Variants in EME2 observed in about 807,000 individuals in gnomAD.
The protein encoded by EME2 is essential meiotic structure-specific endonuclease subunit 2.
In EME2, 58 loss-of-function variants were observed where a neutral mutation model predicts 41.9. The ratio of observed to expected loss-of-function variants is 1.38; its 90% CI spans 1.12 to 1.72. The LOEUF (loss-of-function observed/expected upper bound fraction) is 1.72, where lower values mean the gene tolerates loss of function less well. Among genes scored for constraint, EME2 ranks in the 40% most tolerant of loss-of-function variants. EME2 has a pLI of 0.00. For missense variants in EME2, 695 were observed against 541.9 expected, an observed-to-expected ratio of 1.28 and a Z score of -2.81; for synonymous variants, 334 against 239.3, an observed-to-expected ratio of 1.40 and a Z score of -3.65.
rs759279647 is a variant in EME2 at position 1,774,331 on chromosome 16, G to C, written c.456G>C (p.Gln152His). ...TGCTGGAGCCCGAGGAGTTTCTGCA[G>C]GGCGTCGCCACACTGACCCAGGTGC... is the stretch of plus-strand genomic sequence containing the variant. ...LLLLEPEEFL[Q>H]GVATLTQISG... Residue 152 changes from glutamine (Q) to histidine (H), a missense_variant, in exon 3 of 8, where the codon CAG becomes CAC. Coordinates refer to ENST00000568449, the MANE Select transcript of EME2 (RefSeq NM_001257370.2). 3.7e-6 allele frequency: 6 copies of C among 1,612,658 alleles called. No homozygotes were observed. The African/African-American group carries it at 6.7e-5, about 18-fold the overall frequency.
intron 5 of EME2, 40 bp downstream of exon 5, chr16:1,775,448 G>T: frequency 6.2e-7 from 1 of 1,605,742 alleles, no homozygotes; most frequent in Non-Finnish European, 8.5e-7. Context: ...GGTGGCCTGG[G>T]TCCCAGTGAT....
Position 1,778,052 on chromosome 16 carries a change from G to C in EME2, c.*1814G>C. ...CCGACGTCCCGATGCCCACCATCTA[G>C]GAACAGGGGCCAGGCAGAGGGCGCG... On this transcript the variant is annotated 3_prime_UTR_variant, in exon 8 of 8. Coordinates refer to ENST00000568449, the MANE Select transcript of EME2 (RefSeq NM_001257370.2). The C allele has an allele frequency of 6.2e-7, 1 of 1,613,214 alleles. No individual in the cohort carries two copies. Among genetic ancestry groups the C allele is most frequent in the Non-Finnish European group, 8.5e-7 (1 of 1,180,006 alleles).
In EME2 at chr16:1,781,152, C is replaced by G. The variant is rs769578694; in HGVS notation, c.*4914C>G. The G allele has an allele frequency of 2.0e-6, 3 of 1,524,486 alleles. No individual in the cohort carries two copies. The South Asian group carries it at 3.6e-5, about 18-fold the overall frequency. The allele number at this position is 1,524,486 out of a possible 1,614,324, so 94.4% of individuals were successfully genotyped here. A position where few individuals can be genotyped will look rare whatever the true frequency, so the allele number is the denominator to read the frequency against. On this transcript the variant is annotated 3_prime_UTR_variant, in exon 8 of 8. Coordinates refer to ENST00000568449, the MANE Select transcript of EME2 (RefSeq NM_001257370.2). ...AGTGTGTTCTGAGGTCCTGTCACCC[C>G]TGAGGCTGTGTGTGTCCTTTGCCAA...
chr16:1,777,021 A>G lies in EME2; in HGVS notation c.*783A>G, dbSNP rs2042723706. On this transcript the variant is annotated 3_prime_UTR_variant, in exon 8 of 8. Transcript: ENST00000568449. ...AACTCCGCCCTGGAGTGTGGCTGGA[A>G]GGAAGGGACAGAGAAAGAAGGGACA... 6.6e-7 allele frequency: 1 copy of G among 1,505,254 alleles called. No individual in the cohort carries two copies. Among genetic ancestry groups the G allele is most frequent in the Admixed American group, 1.9e-5 (1 of 52,878 alleles). The allele number at this position is 1,505,254 out of a possible 1,614,324, so 93.2% of individuals were successfully genotyped here.
At chr16:1,773,631 C>A (rs999981929) in intron 1 of EME2, 74 bp from the exon 2 acceptor site, 1 of 1,543,500 alleles carries the variant, frequency 6.5e-7, no homozygotes. Flanking sequence ...CTCCCCGGTC[C>A]GGCCACCCGC....
At position 1,773,476 on chromosome 16, in the gene EME2, T is replaced by A. The variant is rs1233192451; in HGVS notation, c.247+2T>A. The A allele has an allele frequency of 1.9e-6, 3 of 1,579,044 alleles. No individual in the cohort carries two copies. The South Asian group carries it at 3.4e-5, about 18-fold the overall frequency. ...GCCTCGCGGTGTGCGTGGACACAGG[T>A]GCGGCGGAGGGCACGGGCGATACTC... On this transcript the variant is annotated splice_donor_variant, in intron 1 of 7. Transcript: ENST00000568449. LOFTEE classifies it high-confidence loss of function.
chr16:1,778,248 G>A lies in EME2; in HGVS notation c.*2010G>A, dbSNP rs1483170622. On this transcript the variant is annotated 3_prime_UTR_variant, in exon 8 of 8. Transcript: ENST00000568449. ...TGCCGCAGCTGTACTCCATGTGGAA[G>A]CTGACCTTACGGTTGTCACAGCTCA... 3 of 1,612,888 alleles carry A rather than the reference G, an allele frequency of 1.9e-6. No individual in the cohort carries two copies. Among genetic ancestry groups the A allele is most frequent in the African/African-American group, 1.3e-5 (1 of 74,940 alleles).
rs1165516610 is a variant in EME2 at position 1,777,041 on chromosome 16, G to A, written c.*803G>A. The stretch of plus-strand genomic sequence containing the variant: ...CTGGAAGGAAGGGACAGAGAAAGAA[G>A]GGACAGAGGAAAGGGGCTGTCCCAG... On this transcript the variant is annotated 3_prime_UTR_variant, in exon 8 of 8. Coordinates refer to ENST00000568449, the MANE Select transcript of EME2 (RefSeq NM_001257370.2). 3.9e-6 allele frequency: 6 copies of A among 1,557,144 alleles called. No individual in the cohort carries two copies. The highest frequency in any genetic ancestry group is 2.4e-5 in the South Asian group (2 of 84,638).
Position 1,778,577 on chromosome 16 carries a change from C to G in EME2, c.*2339C>G, listed in dbSNP as rs762523870. 3.8e-6 allele frequency: 6 copies of G among 1,591,044 alleles called. No individual in the cohort carries two copies. The highest frequency in any genetic ancestry group is 5.1e-6 in the Non-Finnish European group (6 of 1,165,292). ...CCGCACTGGGGATGGATGGCGGCAG[C>G]GTGGAGTACTCGGGGTCGGAGTCCG... On this transcript the variant is annotated 3_prime_UTR_variant, in exon 8 of 8. Coordinates refer to ENST00000568449, the MANE Select transcript of EME2 (RefSeq NM_001257370.2).
In EME2 at chr16:1,773,847, T is replaced by C; in HGVS notation, c.384+6T>C. 1 of 1,534,644 alleles carries C rather than the reference T, an allele frequency of 6.5e-7. No homozygotes were observed. Among genetic ancestry groups the C allele is most frequent in the Non-Finnish European group, 8.7e-7 (1 of 1,145,984 alleles). ...CCGACCCCTGCCCCCGCAGCGTGAG[T>C]GGTCGCGGGTTCCCGAGGGCCAGCC... On this transcript the variant is annotated splice_donor_region_variant and intron_variant, in intron 2 of 7. Coordinates refer to ENST00000568449, the MANE Select transcript of EME2 (RefSeq NM_001257370.2).
In EME2 at chr16:1,776,525, A is replaced by C; in HGVS notation, c.*287A>C. 1 of 413,090 alleles carries C rather than the reference A, an allele frequency of 2.4e-6. No homozygotes were observed. The allele number at this position is 413,090 out of a possible 1,614,324, so 25.6% of individuals were successfully genotyped here. On this transcript the variant is annotated 3_prime_UTR_variant, in exon 8 of 8. Transcript: ENST00000568449. Reference sequence around the variant, plus strand: ...AGGGCTGTGCCCCCCCAACACACACACACACTCGGCAGGGACCAGAAGGCA... The same window carrying C: ...AGGGCTGTGCCCCCCCAACACACACCCACACTCGGCAGGGACCAGAAGGCA...
In EME2 at chr16:1,781,386, G is replaced by T; in HGVS notation, c.*5148G>T. 1 of 1,612,846 alleles carries T rather than the reference G, an allele frequency of 6.2e-7. No homozygotes were observed. Among genetic ancestry groups the T allele is most frequent in the Non-Finnish European group, 8.5e-7 (1 of 1,179,998 alleles). ...CCCATCAGAGTCGTAGCCCCAGTTAGTGGAGCCTGCTAGAGCCACGGCCCG... is the reference window on the plus strand; with the variant it reads ...CCCATCAGAGTCGTAGCCCCAGTTATTGGAGCCTGCTAGAGCCACGGCCCG... On this transcript the variant is annotated 3_prime_UTR_variant, in exon 8 of 8. Transcript: ENST00000568449.
rs1054799156 is a variant in EME2, at chr16:1,776,508, G to GC, written c.*277dup. ...GGGGAGGCCTCAGCAGCAGGGCTGT[G>GC]CCCCCCCAACACACACACACACTCG... On this transcript the variant is annotated 3_prime_UTR_variant, in exon 8 of 8. Coordinates refer to ENST00000568449, the MANE Select transcript of EME2 (RefSeq NM_001257370.2). 1.4e-4 allele frequency: 63 copies of GC among 455,328 alleles called. No homozygotes were observed. The highest frequency in any genetic ancestry group is 3.8e-4 in the African/African-American group (19 of 49,854). 28.2% of individuals were successfully genotyped at this position (455,328 alleles called of 1,614,324 possible).
Position 1,773,484 on chromosome 16 carries a change from AG to A in EME2, c.247+13del. 1 of 1,578,482 alleles carries A rather than the reference AG, an allele frequency of 6.3e-7. No homozygotes were observed. The highest frequency in any genetic ancestry group is 8.5e-7 in the Non-Finnish European group (1 of 1,171,632). On this transcript the variant is annotated intron_variant, in intron 1 of 7. Transcript: ENST00000568449. ...GTGTGCGTGGACACAGGTGCGGCGG[AG>A]GGCACGGGCGATACTCGGGGTAGGA...
In EME2 at chr16:1,777,907, C is replaced by A; in HGVS notation, c.*1669C>A. On this transcript the variant is annotated 3_prime_UTR_variant, in exon 8 of 8. Transcript: ENST00000568449. Reference sequence around the variant, plus strand: ...GCCAGGGTCGCAGTGAGCCCGGGAGCTCCAGGCTCGGCCCCGCCCCACCCT... The same window carrying A: ...GCCAGGGTCGCAGTGAGCCCGGGAGATCCAGGCTCGGCCCCGCCCCACCCT... The A allele has an allele frequency of 6.2e-7, 1 of 1,611,850 alleles. No homozygotes were observed. The highest frequency in any genetic ancestry group is 8.5e-7 in the Non-Finnish European group (1 of 1,179,594).
At chr16:1,773,979 G>A (rs2042671553) in intron 2 of EME2, 138 bp downstream of exon 2, 3 of 1,186,750 alleles carry the variant, frequency 2.5e-6, no homozygotes, top group South Asian at 1.6e-5. Context: ...GATGGAGAAC[G>A]GGAAGTGGAG....
At position 1,773,271 on chromosome 16, in the gene EME2, G is replaced by A; in HGVS notation, c.44G>A (p.Gly15Asp). ...GGGAGGGCGGGGGTCTCTTGCCAGG[G>A]CCGGGGCCGGGGACGGGGCGGGAGC... Reference protein sequence around the residue: ...GPGRAGVSCQGRGRGRGGSGQ... With the variant: ...GPGRAGVSCQDRGRGRGGSGQ... The change falls in exon 1 of 8, where the codon GGC becomes GAC. Residue 15 changes from glycine to aspartate, a missense_variant. Coordinates refer to ENST00000568449, the MANE Select transcript of EME2 (RefSeq NM_001257370.2). 6.8e-7 allele frequency: 1 copy of A among 1,464,874 alleles called. No homozygotes were observed. The highest frequency in any genetic ancestry group is 9.0e-7 in the Non-Finnish European group (1 of 1,117,136). 90.7% of individuals were successfully genotyped at this position (1,464,874 alleles called of 1,614,324 possible). A position where few individuals can be genotyped will look rare whatever the true frequency, so the allele number is the denominator to read the frequency against.
Position 1,775,417 on chromosome 16 carries a change from C to G in EME2, c.663+9C>G, listed in dbSNP as rs372133933. ...GGCCGGAGGTGGAAGAGGTGAGGGC[C>G]TGTCTGAGCTGGGTGAGTCAGGTGG... On this transcript the variant is annotated intron_variant, in intron 5 of 7. Transcript: ENST00000568449. 131 of 1,612,100 alleles carry G rather than the reference C, an allele frequency of 8.1e-5. No individual in the cohort carries two copies. The highest frequency in any genetic ancestry group is 1.2e-4 in the Admixed American group (7 of 59,860).
chr16:1,773,237 G>T lies in EME2; in HGVS notation c.10G>T (p.Val4Phe). 1 of 1,449,202 alleles carries T rather than the reference G, an allele frequency of 6.9e-7. No homozygotes were observed. 89.8% of individuals were successfully genotyped at this position (1,449,202 alleles called of 1,614,324 possible). A position where few individuals can be genotyped will look rare whatever the true frequency, so the allele number is the denominator to read the frequency against. The change falls in exon 1 of 8, where the codon GTT (valine) becomes TTT (phenylalanine). Residue 4 changes from valine to phenylalanine, a missense_variant. Physicochemically the swap from Val to Phe is conservative, Grantham distance 50. Transcript: ENST00000568449. MAR[V>F]GPGRAGVSCQ... The stretch of plus-strand genomic sequence containing the variant: ...AGAGGTCGGTCCGGCCATGGCGCGG[G>T]TTGGACCCGGGAGGGCGGGGGTCTC...
Sources: gnomAD v4.1 joint callset for allele counts on GRCh38, gnomAD v4.1.1 for gene constraint, MANE v1.5 for transcripts, NCBI Gene and HGNC (gene_info 2026-07-23, HGNC 2026-07-21) for gene names.